ZFR: variants seen among roughly 807,000 people sequenced by gnomAD.
ZFR encodes the protein zinc finger RNA binding protein, also known as zinc finger RNA-binding protein.
In ZFR, 19 loss-of-function variants were observed where a neutral mutation model predicts 130.7. The observed-to-expected ratio is 0.15, with a 90% CI of 0.10 to 0.21. ZFR has a LOEUF of 0.21. ZFR is among the 10% of genes least tolerant of loss of function. ZFR has a pLI of 1.00. For synonymous variants in ZFR, 466 were observed against 456.9 expected (o/e 1.02, Z -0.25); for missense variants, 872 against 1,321.5 (o/e 0.66, Z 5.27).
intron 5 of ZFR, 92 bp from the exon 6 acceptor site, chr5:32,407,113 T>A: frequency 8.7e-7 from 1 of 1,146,516 alleles, no homozygotes; most frequent in Non-Finnish European, 1.2e-6. Flanking sequence ...ATCCTGCCAA[T>A]AAAGATAGAT....
At chr5:32,356,008 C>G (rs1461061957) in intron 19 of ZFR, 69 bp from the exon 20 acceptor site, 17 of 1,289,552 alleles carry the variant, frequency 1.3e-5, no homozygotes, top group Non-Finnish European at 1.6e-5. Flanking sequence ...ACTACATTTA[C>G]CTCCCTCCAA....
At chr5:32,444,479 G>A in intron 1 of ZFR, 143 bp downstream of exon 1, 1 of 1,286,330 alleles carries the variant, frequency 7.8e-7, no homozygotes, top group South Asian at 1.7e-5. Flanking sequence ...TCCCCCTCCC[G>A]CCTCGCACTC....
intron 5 of ZFR, among the ~76,000 whole-genome samples, chr5:32,410,878 C>T (rs1753691587): frequency 6.6e-6 from 1 of 152,146 alleles, no homozygotes; most frequent in Non-Finnish European, 1.5e-5. Flanking sequence ...CTGTGTATCA[C>T]ATAGTCTTTA....
rs747897018 is a variant in ZFR at position 32,387,716 on chromosome 5, T to C, written c.2349-17A>G. 3.8e-6 allele frequency: 6 copies of C among 1,595,820 alleles called. No homozygotes were observed. In the Admixed American group the frequency reaches 5.3e-5, roughly 14 times the overall value. On this transcript the variant is annotated splice_polypyrimidine_tract_variant and intron_variant, in intron 13 of 19. Coordinates refer to ENST00000265069, the MANE Select transcript of ZFR (RefSeq NM_016107.5). ...TTCAAAGCTCTGCAGTAAAATAAAATTATATTATGATATTTCTCTGCTTAA... is the reference window on the plus strand; with the variant it reads ...TTCAAAGCTCTGCAGTAAAATAAAACTATATTATGATATTTCTCTGCTTAA...
chr5:32,391,327 G>GT (rs1194032304), intron 11 of ZFR, among the ~76,000 whole-genome samples: 3 of 152,146 alleles, frequency 2.0e-5, no homozygotes, highest in African/African-American at 7.2e-5. Flanking sequence ...GTCTTGTAAC[G>GT]TAACCCCCTT....
At chr5:32,433,906 A>C (rs561095408) in intron 2 of ZFR, among the ~76,000 whole-genome samples, 1 of 151,704 alleles carries the variant, frequency 6.6e-6, no homozygotes, top group South Asian at 2.1e-4. Flanking sequence ...CATGGCAAAA[A>C]CCCCATCTCT....
At chr5:32,395,838 T>C (rs1753293026) in intron 10 of ZFR, among the ~76,000 whole-genome samples, 1 of 152,218 alleles carries the variant, frequency 6.6e-6, no homozygotes, top group South Asian at 2.1e-4. Flanking sequence ...GAATACAGTA[T>C]ATATGAGATA....
chr5:32,429,452 G>A (rs1754154168), intron 2 of ZFR, among the ~76,000 whole-genome samples: 1 of 152,102 alleles, frequency 6.6e-6, no homozygotes, highest in African/African-American at 2.4e-5. Flanking sequence ...GGGTAAAGAA[G>A]AGAAAATACT....
chr5:32,385,355 T>C (rs1017823815), intron 15 of ZFR, among the ~76,000 whole-genome samples, 153 bp downstream of exon 15: 24 of 152,252 alleles, frequency 1.6e-4, no homozygotes, highest in Middle Eastern at 3.4e-3. Context: ...TGTGGGAAAT[T>C]ATCTTAGGCA....
At chr5:32,397,617 C>A (rs1014401603) in intron 9 of ZFR, among the ~76,000 whole-genome samples, 6 of 151,996 alleles carry the variant, frequency 3.9e-5, no homozygotes, top group Admixed American at 2.0e-4. Context: ...CCACCACGAC[C>A]GGCTAATTTG....
chr5:32,393,584 C>T (rs1457091507), intron 11 of ZFR, among the ~76,000 whole-genome samples: 2 of 152,178 alleles, frequency 1.3e-5, no homozygotes, highest in Non-Finnish European at 2.9e-5. Context: ...TCAGGTGATC[C>T]ACCCACCTCA....
At chr5:32,429,222 G>A (rs1175596668) in intron 2 of ZFR, among the ~76,000 whole-genome samples, 13 of 152,094 alleles carry the variant, frequency 8.5e-5, no homozygotes, top group Non-Finnish European at 1.3e-4. Context: ...TCCTGACCTC[G>A]TGATCTGCCC....
At chr5:32,444,125 G>A (rs1188811355) in intron 2 of ZFR, 104 bp downstream of exon 2, 17 of 1,316,114 alleles carry the variant, frequency 1.3e-5, no homozygotes, top group Middle Eastern at 5.3e-4. Flanking sequence ...GCAGCGGGCC[G>A]GGGCTCTGGG....
At chr5:32,399,548 C>T (rs1442194471) in intron 9 of ZFR, among the ~76,000 whole-genome samples, 1 of 152,194 alleles carries the variant, frequency 6.6e-6, no homozygotes, top group East Asian at 1.9e-4. Context: ...GTTTACTTTA[C>T]CTGTAAAACA....
chr5:32,431,467 A>T (rs1321469681), intron 2 of ZFR, among the ~76,000 whole-genome samples: 1 of 152,250 alleles, frequency 6.6e-6, no homozygotes, highest in Non-Finnish European at 1.5e-5. Flanking sequence ...GCAGTTATAA[A>T]GAATGAAGTG....
intron 4 of ZFR, among the ~76,000 whole-genome samples, chr5:32,417,184 C>G (rs1252843121): frequency 6.6e-6 from 1 of 151,526 alleles, no homozygotes; most frequent in Non-Finnish European, 1.5e-5. Flanking sequence ...AAACGAAATG[C>G]TTCCTAGATT....
intron 17 of ZFR, among the ~76,000 whole-genome samples, chr5:32,375,625 G>C (rs370199679): frequency 2.6e-5 from 4 of 151,700 alleles, no homozygotes; most frequent in African/African-American, 7.3e-5. Flanking sequence ...TCCCACTTCA[G>C]TCTCTCCAGT....
intron 5 of ZFR, 137 bp downstream of exon 5, chr5:32,414,832 T>C: frequency 1.4e-6 from 1 of 736,044 alleles, no homozygotes; most frequent in East Asian, 3.1e-5. Context: ...AGTCACATTA[T>C]GTACCTATAT....
In ZFR at chr5:32,368,971, A is replaced by G. The variant is rs879022727; in HGVS notation, c.2836-4696T>C. On this transcript the variant is annotated intron_variant, in intron 17 of 19. Transcript: ENST00000265069. ...GGATCACTATTGACACATGCACAAC[A>G]GACTTTGATTTGTAAGCCCATTTGC... is the stretch of plus-strand genomic sequence containing the variant. 7.0e-5 allele frequency among the ~76,000 whole-genome samples: 4 copies of G among 56,964 alleles called. No individual in the cohort carries two copies. In the Admixed American group the frequency reaches 7.6e-4, roughly 11 times the overall value. The allele number at this position is 56,964 out of a possible 152,430, so 37.4% of individuals were successfully genotyped here.
Sources: allele counts gnomAD v4.1 joint callset (sites outside exome capture counted in the v4.1 genomes callset), GRCh38; gene constraint gnomAD v4.1.1; transcripts MANE v1.5; gene names NCBI Gene and HGNC (gene_info 2026-07-23, HGNC 2026-07-21).